The following SNTG1 variants were observed in gnomAD, a reference collection of about 807,000 sequenced individuals.
SNTG1 encodes syntrophin gamma 1.
In SNTG1, 39 loss-of-function variants were observed where a neutral mutation model predicts 74.7. That is an observed-to-expected ratio of 0.52 (90% CI 0.40 to 0.68). The LOEUF is 0.68. Among genes scored for constraint, SNTG1 ranks in the 30% least tolerant of loss-of-function variants. SNTG1 has a pLI of 0.00. For missense variants in SNTG1, 685 were observed against 609.5 expected (o/e 1.12, Z -1.30); for synonymous variants, 254 against 217.1 (o/e 1.17, Z -1.49).
chr8:49,944,674 C>G (rs536273372), intron 1 of SNTG1, among the ~76,000 whole-genome samples: 1 of 150,672 alleles, frequency 6.6e-6, no homozygotes, highest in South Asian at 2.1e-4. Context: ...CACATGTATA[C>G]ATGTGTAACT....
At chr8:50,406,930 A>G (rs1226935163) in intron 4 of SNTG1, among the ~76,000 whole-genome samples, 2 of 152,118 alleles carry the variant, frequency 1.3e-5, no homozygotes, top group Non-Finnish European at 2.9e-5. Context: ...GCCAATCTAC[A>G]ACAGAGAAAG....
chr8:50,011,973 G>A (rs780325293), intron 1 of SNTG1: 1 of 152,034 alleles, frequency 6.6e-6, no homozygotes, highest in South Asian at 2.1e-4. Context: ...TTTATATTTG[G>A]AAACATCCCA....
intron 1 of SNTG1, among the ~76,000 whole-genome samples, chr8:50,047,499 A>G (rs1294572872): frequency 6.6e-6 from 1 of 152,198 alleles, no homozygotes; most frequent in Admixed American, 6.5e-5. Flanking sequence ...CTCAAAATTA[A>G]GAGATACTAG....
chr8:50,425,196 T>C (rs2093146216), intron 4 of SNTG1, among the ~76,000 whole-genome samples: 2 of 151,818 alleles, frequency 1.3e-5, no homozygotes, highest in Non-Finnish European at 2.9e-5. Flanking sequence ...GTTAATACAA[T>C]TCATGTAGAA....
At chr8:50,008,864 T>A (rs1815497458) in intron 1 of SNTG1, among the ~76,000 whole-genome samples, 1 of 152,168 alleles carries the variant, frequency 6.6e-6, no homozygotes, top group Non-Finnish European at 1.5e-5. Context: ...ATATCTAGCT[T>A]GTTCATAGTT....
At chr8:50,601,062 T>C (rs777810044) in intron 13 of SNTG1, among the ~76,000 whole-genome samples, 5 of 143,790 alleles carry the variant, frequency 3.5e-5, no homozygotes, top group Admixed American at 1.5e-4. Context: ...TCCCAGCTGC[T>C]TGGGAGAATC....
At chr8:50,090,826 A>C (rs189249005) in intron 1 of SNTG1, among the ~76,000 whole-genome samples, 1 of 152,312 alleles carries the variant, frequency 6.6e-6, no homozygotes, top group African/African-American at 2.4e-5. Flanking sequence ...AACAGACAGC[A>C]TATGAATAAA....
intron 12 of SNTG1, among the ~76,000 whole-genome samples, chr8:50,555,393 T>G (rs1020418055): frequency 4.1e-4 from 62 of 152,286 alleles, no homozygotes; most frequent in African/African-American, 1.3e-3. Context: ...GGCATAGCAA[T>G]AAAAAATGTG....
At chr8:50,060,150 C>A (rs1820350787) in intron 1 of SNTG1, among the ~76,000 whole-genome samples, 1 of 152,038 alleles carries the variant, frequency 6.6e-6, no homozygotes, top group African/African-American at 2.4e-5. Context: ...TGTATAGATT[C>A]TTTGGAGACA....
intron 9 of SNTG1, among the ~76,000 whole-genome samples, chr8:50,510,912 T>G (rs767865818): frequency 2.6e-5 from 4 of 152,186 alleles, no homozygotes; most frequent in Non-Finnish European, 5.9e-5. Context: ...TGTCTCTATT[T>G]CCTTCATTTC....
intron 4 of SNTG1, among the ~76,000 whole-genome samples, chr8:50,434,334 G>A (rs1487047625): frequency 6.6e-6 from 1 of 152,102 alleles, no homozygotes; most frequent in Non-Finnish European, 1.5e-5. Context: ...ATTGTGAATA[G>A]TGCCACAATA....
At chr8:49,921,025 A>G (rs2129343331) in intron 1 of SNTG1, among the ~76,000 whole-genome samples, 1 of 152,224 alleles carries the variant, frequency 6.6e-6, no homozygotes. Context: ...ATGGATAATG[A>G]GAGGACATAA....
intron 4 of SNTG1, among the ~76,000 whole-genome samples, chr8:50,408,557 G>A (rs946399059): frequency 1.3e-5 from 2 of 152,134 alleles, no homozygotes; most frequent in African/African-American, 4.8e-5. Flanking sequence ...GCAGGAGAGG[G>A]TGCCATCAGC....
intron 2 of SNTG1, among the ~76,000 whole-genome samples, chr8:50,235,835 G>GTAAAA (rs1299049837): frequency 1.3e-5 from 2 of 151,360 alleles, no homozygotes; most frequent in African/African-American, 2.4e-5. Flanking sequence ...TTTCCTCCAA[G>GTAAAA]TAAAATATGT....
intron 1 of SNTG1, among the ~76,000 whole-genome samples, chr8:49,935,537 A>G: frequency 6.6e-6 from 1 of 151,524 alleles, no homozygotes. Context: ...AAAAAAAAAA[A>G]AAGAAAAAGA....
At chr8:50,311,735 C>T (rs554243799) in intron 2 of SNTG1, among the ~76,000 whole-genome samples, 9 of 152,052 alleles carry the variant, frequency 5.9e-5, no homozygotes, top group South Asian at 2.1e-4. Context: ...TGTAGGTAAG[C>T]GTTGGAAAAC....
intron 2 of SNTG1, among the ~76,000 whole-genome samples, chr8:50,257,196 A>G (rs888538045): frequency 2.6e-5 from 4 of 152,120 alleles, no homozygotes; most frequent in African/African-American, 7.2e-5. Context: ...TCTCCCACTG[A>G]ACATACACTC....
intron 9 of SNTG1, among the ~76,000 whole-genome samples, chr8:50,505,230 C>T (rs2093996411): frequency 6.6e-6 from 1 of 152,018 alleles, no homozygotes; most frequent in African/African-American, 2.4e-5. Context: ...TTTATTCAGC[C>T]CTCAAACAGT....
intron 9 of SNTG1, among the ~76,000 whole-genome samples, chr8:50,507,609 C>T (rs1394387254): frequency 6.6e-6 from 1 of 152,052 alleles, no homozygotes; most frequent in African/African-American, 2.4e-5. Flanking sequence ...AGTTTGTTGG[C>T]ACATAATTGT....
Sources: gnomAD v4.1 joint callset for allele counts (sites outside exome capture counted in the v4.1 genomes callset) on GRCh38, gnomAD v4.1.1 for gene constraint, MANE v1.5 for transcripts, NCBI Gene and HGNC (gene_info 2026-07-23, HGNC 2026-07-21) for gene names.